Variants in GCNT2 observed in about 807,000 individuals in gnomAD.
The protein encoded by GCNT2 is glucosaminyl (N-acetyl) transferase 2 (I blood group).
GCNT2 carries 34 observed loss-of-function variants against 34.2 expected under a neutral mutation model. The observed-to-expected ratio is 1.00, with a 90% CI of 0.76 to 1.32. The LOEUF is 1.32. GCNT2 is among the 40% of genes most tolerant of loss of function. GCNT2 has a pLI of 0.00. For synonymous variants in GCNT2, 212 were observed against 188.0 expected (o/e 1.13, Z -1.04); for missense variants, 584 against 489.4 (o/e 1.19, Z -1.82).
At chr6:10,562,679 A>C (rs1458084413) in intron 3 of GCNT2, among the ~76,000 whole-genome samples, 3 of 139,520 alleles carry the variant, frequency 2.2e-5, no homozygotes, top group African/African-American at 5.3e-5. Context: ...AAAAAAAAAC[A>C]AAAAAAAACC....
At position 10,535,532 on chromosome 6, in the gene GCNT2, GTTA is replaced by G. The variant is rs376949494; in HGVS notation, c.925+5702_925+5704del. The stretch of plus-strand genomic sequence containing the variant: ...CATCCACCTCCCACTTTCCTCCTGA[GTTA>G]TTATTGATCCTCTGGGTTGGATGGC... On this transcript the variant is annotated intron_variant, in intron 3 of 4. Transcript: ENST00000495262. Among the ~76,000 whole-genome samples the G allele has an allele frequency of 5.7e-3, 861 of 152,268 alleles. 9 individuals carry two copies. Among genetic ancestry groups the G allele is most frequent in the African/African-American group, 0.02 (825 of 41,550 alleles).
intron 3 of GCNT2, among the ~76,000 whole-genome samples, chr6:10,536,925 C>A (rs1237091703): frequency 6.6e-6 from 1 of 151,962 alleles, no homozygotes; most frequent in African/African-American, 2.4e-5. Context: ...GCCACCACGC[C>A]TGGCTAATTT....
At chr6:10,581,893 G>A in intron 3 of GCNT2, 1 of 983,688 alleles carries the variant, frequency 1.0e-6, no homozygotes, top group Non-Finnish European at 1.2e-6. Context: ...ATCAAAATGG[G>A]TTATTGGATT....
At chr6:10,584,700 G>A (rs1295554317) in intron 3 of GCNT2, among the ~76,000 whole-genome samples, 1 of 152,156 alleles carries the variant, frequency 6.6e-6, no homozygotes, top group Non-Finnish European at 1.5e-5. Context: ...CATACTGCCT[G>A]CAAACACATT....
At chr6:10,612,117 G>A (rs1453073728) in intron 3 of GCNT2, among the ~76,000 whole-genome samples, 1 of 152,016 alleles carries the variant, frequency 6.6e-6, no homozygotes, top group Admixed American at 6.6e-5. Flanking sequence ...CTCCCAAGGA[G>A]CTGGGATTAC....
chr6:10,590,349 G>A (rs1206068856), intron 3 of GCNT2, among the ~76,000 whole-genome samples: 1 of 150,154 alleles, frequency 6.7e-6, no homozygotes, highest in African/African-American at 2.5e-5. Flanking sequence ...CAGTGAGCAT[G>A]ACTGCACCAC....
At chr6:10,525,135 TAC>T (rs768236534) in intron 1 of GCNT2, among the ~76,000 whole-genome samples, 2 of 152,218 alleles carry the variant, frequency 1.3e-5, no homozygotes, top group Non-Finnish European at 2.9e-5. Context: ...CTTCTCTTTC[TAC>T]AGTCAGTTAT....
At chr6:10,616,078 T>A (rs958810312) in intron 3 of GCNT2, among the ~76,000 whole-genome samples, 19 of 152,126 alleles carry the variant, frequency 1.2e-4, no homozygotes, top group African/African-American at 4.3e-4. Flanking sequence ...GCAGCGGGTC[T>A]GGAGTTTGTT....
chr6:10,535,013 G>A (rs752208563), intron 3 of GCNT2, among the ~76,000 whole-genome samples: 2 of 152,076 alleles, frequency 1.3e-5, no homozygotes, highest in African/African-American at 2.4e-5. Context: ...ATGAAACCCC[G>A]TTTCTACTAA....
At chr6:10,548,548 T>TTGC (rs1762358271) in intron 3 of GCNT2, among the ~76,000 whole-genome samples, 1 of 152,228 alleles carries the variant, frequency 6.6e-6, no homozygotes, top group South Asian at 2.1e-4. Context: ...TCCACTCCAC[T>TTGC]TGCCAGGGCA....
chr6:10,543,237 T>A (rs936192123), intron 3 of GCNT2, among the ~76,000 whole-genome samples: 2 of 149,518 alleles, frequency 1.3e-5, no homozygotes, highest in Admixed American at 6.7e-5. Flanking sequence ...AGAGTCTCGC[T>A]CTGTCGCCCA....
Position 10,585,032 on chromosome 6 carries a change from AGTGTGTGT to A in GCNT2, c.926-36279_926-36272del, listed in dbSNP as rs57538079. On this transcript the variant is annotated intron_variant, in intron 3 of 4. Transcript: ENST00000495262. ...TTCTTTGTTCCCTCTTCCCATAGTC[AGTGTGTGT>A]GTGTGTGTGTGTGTGTGTGTGTGTG... is the stretch of plus-strand genomic sequence containing the variant. Among the ~76,000 whole-genome samples the A allele has an allele frequency of 6.2e-3, 794 of 127,520 alleles. 3 individuals carry two copies. Among genetic ancestry groups the A allele is most frequent in the South Asian group, 0.027 (98 of 3,650 alleles). The allele number at this position is 127,520 out of a possible 152,430, so 83.7% of individuals were successfully genotyped here. A position where few individuals can be genotyped will look rare whatever the true frequency, so the allele number is the denominator to read the frequency against.
chr6:10,555,475 A>G (rs1762654749), intron 3 of GCNT2, among the ~76,000 whole-genome samples: 1 of 152,202 alleles, frequency 6.6e-6, no homozygotes, highest in Non-Finnish European at 1.5e-5. Flanking sequence ...TAAAGCCTGA[A>G]TGCCCACCAA....
At chr6:10,586,010 C>T (rs1764326089) in intron 3 of GCNT2, 3 of 1,614,048 alleles carry the variant, frequency 1.9e-6, no homozygotes, top group Non-Finnish European at 2.5e-6. Flanking sequence ...GGAGGTACTG[C>T]TTTTTTGCTT....
At chr6:10,607,683 C>T (rs974325956) in intron 3 of GCNT2, among the ~76,000 whole-genome samples, 1 of 152,008 alleles carries the variant, frequency 6.6e-6, no homozygotes, top group African/African-American at 2.4e-5. Context: ...TTAGAAAAGC[C>T]CTAACTTACA....
intron 3 of GCNT2, chr6:10,586,399 A>G: frequency 6.2e-7 from 1 of 1,614,232 alleles, no homozygotes; most frequent in Non-Finnish European, 8.5e-7. Context: ...GCTGAGTATA[A>G]GGAATCTGTG....
In GCNT2 at chr6:10,581,829, A is replaced by C. The variant is rs930448963; in HGVS notation, c.926-39522A>C. 12 of 985,090 alleles carry C rather than the reference A, an allele frequency of 1.2e-5. No individual in the cohort carries two copies. The African/African-American group carries it at 2.1e-4, about 17-fold the overall frequency. 61.0% of individuals were successfully genotyped at this position (985,090 alleles called of 1,614,324 possible). On this transcript the variant is annotated intron_variant, in intron 3 of 4. Coordinates refer to ENST00000495262, the MANE Select transcript of GCNT2 (RefSeq NM_145649.5). ...CTGTTCTCCACAAGACCTGCCAAGG[A>C]CAAATTTTACAGAAAAGGGTGTGGT...
At chr6:10,616,044 CAGTG>C (rs1765744287) in intron 3 of GCNT2, among the ~76,000 whole-genome samples, 2 of 152,336 alleles carry the variant, frequency 1.3e-5, no homozygotes, top group Admixed American at 6.5e-5. Flanking sequence ...CGGACTCTCG[CAGTG>C]AGTGTTACAG....
At chr6:10,542,969 A>G (rs1762105293) in intron 3 of GCNT2, among the ~76,000 whole-genome samples, 1 of 137,524 alleles carries the variant, frequency 7.3e-6, no homozygotes, top group African/African-American at 2.8e-5. Flanking sequence ...GTGCAATGCC[A>G]TGATCTCGGC....
Sources: allele counts gnomAD v4.1 joint callset (sites outside exome capture counted in the v4.1 genomes callset), GRCh38; gene constraint gnomAD v4.1.1; transcripts MANE v1.5; gene names NCBI Gene and HGNC (gene_info 2026-07-23, HGNC 2026-07-21).